LRMDA: variants seen among roughly 807,000 people sequenced by gnomAD.
LRMDA encodes leucine-rich melanocyte differentiation-associated protein.
Under a neutral mutation model 29.8 loss-of-function variants are expected in LRMDA, and 18 were observed. The observed-to-expected ratio is 0.60, with a 90% CI of 0.42 to 0.90. LRMDA has a LOEUF of 0.90. Ranked by LOEUF, LRMDA falls within the 40% of genes least tolerant of loss-of-function variation. LRMDA has a pLI of 0.00. For synonymous variants in LRMDA, 125 were observed against 109.4 expected (o/e 1.14, Z -0.89); for missense variants, 273 against 273.9 (o/e 1.00, Z 0.02).
At position 76,337,088 on chromosome 10, in the gene LRMDA, G is replaced by A. The variant is rs551722258; in HGVS notation, c.601+12603G>A. Reference sequence around the variant, plus strand: ...TGTCTGCATGATTCTAAAGTACAAGGGGAACTAGGATAGCAGACTTAACAT... The same window carrying A: ...TGTCTGCATGATTCTAAAGTACAAGAGGAACTAGGATAGCAGACTTAACAT... On this transcript the variant is annotated intron_variant, in intron 6 of 6. Coordinates refer to ENST00000611255, the MANE Select transcript of LRMDA (RefSeq NM_001305581.2). Among the ~76,000 whole-genome samples the A allele has an allele frequency of 1.9e-3, 295 of 152,202 alleles. 2 individuals are homozygous for A. Among genetic ancestry groups the A allele is most frequent in the African/African-American group, 6.4e-3 (265 of 41,522 alleles).
chr10:76,180,473 G>A (rs1392788961), intron 5 of LRMDA, among the ~76,000 whole-genome samples: 2 of 151,746 alleles, frequency 1.3e-5, no homozygotes, highest in Admixed American at 1.3e-4. Flanking sequence ...TAGAGATGGG[G>A]TTTCACCATG....
At chr10:76,447,062 T>TG (rs371062090) in intron 6 of LRMDA, among the ~76,000 whole-genome samples, 37 of 152,110 alleles carry the variant, frequency 2.4e-4, no homozygotes, top group African/African-American at 8.4e-4. Context: ...TCTTTTTTTT[T>TG]TTTAACCTCA....
rs569645140 is a variant in LRMDA, at chr10:76,300,257, G to A, written c.517-24144G>A. ...CATCAAAGGTGGGATTGCCACTTGTGGAGGTAGAACTTTGTTTTATTTGAA... is the reference window on the plus strand; with the variant it reads ...CATCAAAGGTGGGATTGCCACTTGTAGAGGTAGAACTTTGTTTTATTTGAA... On this transcript the variant is annotated intron_variant, in intron 5 of 6. Transcript: ENST00000611255. Among the ~76,000 whole-genome samples the A allele has an allele frequency of 2.8e-4, 43 of 152,298 alleles. 2 individuals are homozygous for A. In the South Asian group the frequency reaches 7.0e-3, roughly 25 times the overall value.
intron 2 of LRMDA, among the ~76,000 whole-genome samples, chr10:75,738,694 C>T (rs1423380666): frequency 2.0e-5 from 3 of 152,124 alleles, no homozygotes; most frequent in East Asian, 1.9e-4. Context: ...AGGCAAGTGC[C>T]CCACGTTTGC....
chr10:75,439,669 T>C (rs1392586139), intron 2 of LRMDA, among the ~76,000 whole-genome samples: 1 of 152,176 alleles, frequency 6.6e-6, no homozygotes, highest in Non-Finnish European at 1.5e-5. Flanking sequence ...GAGTGGCCGC[T>C]GTCTGTGTAT....
intron 5 of LRMDA, among the ~76,000 whole-genome samples, chr10:76,312,506 G>A (rs892563038): frequency 6.6e-6 from 1 of 152,028 alleles, no homozygotes; most frequent in Admixed American, 6.6e-5. Context: ...AAAAACCTCC[G>A]TGAGAGGAAA....
intron 2 of LRMDA, among the ~76,000 whole-genome samples, chr10:76,022,035 T>C (rs764849249): frequency 6.6e-6 from 1 of 152,238 alleles, no homozygotes; most frequent in Non-Finnish European, 1.5e-5. Context: ...TTCTGTACTT[T>C]ATGTTAAAAG....
chr10:76,063,689 T>A lies in LRMDA; in HGVS notation c.516+4906T>A, dbSNP rs1186443309. 3.3e-5 allele frequency among the ~76,000 whole-genome samples: 5 copies of A among 152,106 alleles called. No homozygotes were observed. In the East Asian group the frequency reaches 7.7e-4, roughly 23 times the overall value. ...TTTCCAAAAGTCTCTCTTATTCTTT[T>A]CCCCTAAACTGAAAATTGGAAACTA... On this transcript the variant is annotated intron_variant, in intron 5 of 6. Transcript: ENST00000611255.
rs550723016 is a variant in LRMDA at position 76,530,547 on chromosome 10, A to G, written c.602-26662A>G. Among the ~76,000 whole-genome samples the G allele has an allele frequency of 2.0e-5, 3 of 152,312 alleles. No homozygotes were observed. The South Asian group carries it at 6.2e-4, about 32-fold the overall frequency. On this transcript the variant is annotated intron_variant, in intron 6 of 6. Coordinates refer to ENST00000611255, the MANE Select transcript of LRMDA (RefSeq NM_001305581.2). ...ATTTAAAATACTTATCACAGTGCCT[A>G]CACATAGGAAGCTCGATAAAGTTAG...
intron 6 of LRMDA, among the ~76,000 whole-genome samples, chr10:76,394,642 A>G (rs879272775): frequency 4.2e-4 from 64 of 152,076 alleles, no homozygotes; most frequent in African/African-American, 1.5e-3. Context: ...ATACTTGTCT[A>G]TGTGATCAAG....
chr10:75,496,667 A>T (rs1409761847), intron 2 of LRMDA, among the ~76,000 whole-genome samples: 1 of 152,142 alleles, frequency 6.6e-6, no homozygotes, highest in Non-Finnish European at 1.5e-5. Context: ...TACAACTAGA[A>T]ACACAGGTGG....
At chr10:76,230,135 C>G (rs1852031697) in intron 5 of LRMDA, among the ~76,000 whole-genome samples, 1 of 152,108 alleles carries the variant, frequency 6.6e-6, no homozygotes, top group Admixed American at 6.6e-5. Flanking sequence ...CTGTAACACC[C>G]TAACTAAAAG....
At chr10:76,060,965 A>G (rs1848692951) in intron 5 of LRMDA, among the ~76,000 whole-genome samples, 1 of 152,232 alleles carries the variant, frequency 6.6e-6, no homozygotes, top group African/African-American at 2.4e-5. Context: ...CAGTATGGCA[A>G]TTCCTCAGAG....
chr10:76,330,234 A>T (rs943495208), intron 6 of LRMDA, among the ~76,000 whole-genome samples: 1 of 152,242 alleles, frequency 6.6e-6, no homozygotes, highest in Admixed American at 6.5e-5. Flanking sequence ...AGAGAAGAGG[A>T]TAAGAAATTT....
chr10:75,455,900 A>T (rs369008415), intron 2 of LRMDA, among the ~76,000 whole-genome samples: 31 of 152,272 alleles, frequency 2.0e-4, no homozygotes, highest in African/African-American at 7.5e-4. Context: ...TGGGGCCAGG[A>T]TTTTCCTGAG....
At chr10:76,340,515 C>CAAAAAAAAAAA (rs1174024731) in intron 6 of LRMDA, among the ~76,000 whole-genome samples, 2 of 75,758 alleles carry the variant, frequency 2.6e-5, no homozygotes, top group African/African-American at 5.6e-5. Context: ...GAACCTGTAT[C>CAAAAAAAAAAA]AAAAAAAAAA....
intron 5 of LRMDA, among the ~76,000 whole-genome samples, chr10:76,078,699 G>A (rs1216092437): frequency 6.6e-6 from 1 of 152,122 alleles, no homozygotes; most frequent in Non-Finnish European, 1.5e-5. Flanking sequence ...AGCCGGACAT[G>A]GTGGTAGGTG....
At chr10:75,969,566 C>T (rs565548874) in intron 2 of LRMDA, among the ~76,000 whole-genome samples, 1 of 152,372 alleles carries the variant, frequency 6.6e-6, no homozygotes, top group South Asian at 2.1e-4. Flanking sequence ...TTTATGTTCA[C>T]AAGCTCACGC....
chr10:76,520,224 C>A (rs1843104726), intron 6 of LRMDA, among the ~76,000 whole-genome samples: 1 of 151,094 alleles, frequency 6.6e-6, no homozygotes, highest in South Asian at 2.1e-4. Context: ...GTGATAGAAT[C>A]TTGTTCTTTT....
Sources: gnomAD v4.1 joint callset for allele counts (sites outside exome capture counted in the v4.1 genomes callset) on GRCh38, gnomAD v4.1.1 for gene constraint, MANE v1.5 for transcripts, NCBI Gene and HGNC (gene_info 2026-07-23, HGNC 2026-07-21) for gene names.